Variants in LCK observed in about 807,000 individuals in gnomAD.
The protein encoded by LCK is tyrosine-protein kinase Lck.
A neutral mutation model predicts 64.6 loss-of-function variants in LCK; 14 were observed. That is an observed-to-expected ratio of 0.22 (90% CI 0.14 to 0.34). The LOEUF is 0.34. Among genes scored for constraint, LCK ranks in the 10% least tolerant of loss-of-function variants. The pLI is 1.00. For synonymous variants in LCK, 277 were observed against 263.6 expected (o/e 1.05, Z -0.49); for missense variants, 434 against 668.1 (o/e 0.65, Z 3.86).
intron 1 of LCK, among the ~76,000 whole-genome samples, chr1:32,253,120 C>A (rs1639547235): frequency 1.3e-5 from 2 of 152,156 alleles, no homozygotes; most frequent in Non-Finnish European, 2.9e-5. Context: ...AATCCCAGCA[C>A]TTTGGGAGGC....
intron 11 of LCK, 28 bp downstream of exon 11, chr1:32,280,022 G>T (rs756127294): frequency 1.2e-6 from 2 of 1,613,898 alleles, no homozygotes; most frequent in Non-Finnish European, 1.7e-6. Context: ...GGGTGGTCTG[G>T]GCCCTGCAGG....
At position 32,281,269 on chromosome 1, in the gene LCK, A is replaced by C. The variant is rs1319176322; in HGVS notation, c.1327+1059A>C. ...CAAGAAAAAGAGAGACTCCATCTCTACAAAAAAAAAAAAACAAACAAACAA... is the reference window on the plus strand; with the variant it reads ...CAAGAAAAAGAGAGACTCCATCTCTCCAAAAAAAAAAAAACAAACAAACAA... On this transcript the variant is annotated intron_variant, in intron 12 of 12. Coordinates refer to ENST00000336890, the MANE Select transcript of LCK (RefSeq NM_005356.5). 2.7e-5 allele frequency among the ~76,000 whole-genome samples: 4 copies of C among 149,234 alleles called. No individual in the cohort carries two copies. The South Asian group carries it at 8.4e-4, about 32-fold the overall frequency.
At chr1:32,268,635 T>A (rs1258153476) in intron 1 of LCK, among the ~76,000 whole-genome samples, 1 of 151,456 alleles carries the variant, frequency 6.6e-6, no homozygotes, top group Non-Finnish European at 1.5e-5. Context: ...AGTAAATAAA[T>A]AAATAAGTAA....
intron 12 of LCK, among the ~76,000 whole-genome samples, chr1:32,283,237 C>A (rs1174785313): frequency 1.4e-5 from 2 of 145,714 alleles, no homozygotes; most frequent in East Asian, 2.0e-4. Flanking sequence ...TGCAGTGAGC[C>A]GAGACTGTAC....
At chr1:32,283,556 T>C (rs957191738) in intron 12 of LCK, among the ~76,000 whole-genome samples, 4 of 152,124 alleles carry the variant, frequency 2.6e-5, no homozygotes, top group African/African-American at 7.2e-5. Flanking sequence ...GCTGTGATCA[T>C]GTAGTTCTCC....
chr1:32,285,542 C>T lies in LCK; in HGVS notation c.1356C>T (p.Asn452=), dbSNP rs1481258398. 4 of 1,614,218 alleles carry T rather than the reference C, an allele frequency of 2.5e-6. 1 individual carries two copies. The highest frequency in any genetic ancestry group is 2.5e-6 in the Non-Finnish European group (3 of 1,180,042). The stretch of plus-strand genomic sequence containing the variant: ...TGACCAACCCGGAGGTGATTCAGAA[C>T]CTGGAGCGAGGCTACCGCATGGTGC... ...PGMTNPEVIQ[N]LERGYRMVRP... The change falls in exon 13 of 13, where the codon AAC becomes AAT. Residue 452 remains asparagine, a synonymous_variant. Transcript: ENST00000336890.
chr1:32,275,448 T>C lies in LCK; in HGVS notation c.377+29T>C. 1 of 1,607,838 alleles carries C rather than the reference T, an allele frequency of 6.2e-7. No homozygotes were observed. The highest frequency in any genetic ancestry group is 2.2e-5 in the East Asian group (1 of 44,762). On this transcript the variant is annotated intron_variant, in intron 5 of 12. Coordinates refer to ENST00000336890, the MANE Select transcript of LCK (RefSeq NM_005356.5). The surrounding 1 kb of genome is among the most constrained non-coding windows in gnomAD (Gnocchi z 6.9). ...AGTGGGGACCCGTCGTGGGGGTGGG[T>C]AGGAGCAGATCTAGGGATCCTGGAG...
chr1:32,251,894 AAGAGAGAGAGAGAGAG>A lies in LCK; in HGVS notation c.-6+551_-6+566del, dbSNP rs4012161. ...CCCCAGTGACAAGAATCTCCTGAGA[AAGAGAGAGAGAGAGAG>A]AGAGAGAGAGAGAGAGAGAGAGAGA... is the stretch of plus-strand genomic sequence containing the variant. On this transcript the variant is annotated intron_variant, in intron 1 of 12. Transcript: ENST00000336890. This position sits in a 1 kb window ranked among gnomAD's most constrained non-coding sequence, Gnocchi z 4.0. Among the ~76,000 whole-genome samples the A allele has an allele frequency of 2.0e-3, 268 of 132,342 alleles. 1 individual carries two copies. Among genetic ancestry groups the A allele is most frequent in the African/African-American group, 6.8e-3 (241 of 35,246 alleles). 86.8% of individuals were successfully genotyped at this position (132,342 alleles called of 152,430 possible). A position where few individuals can be genotyped will look rare whatever the true frequency, so the allele number is the denominator to read the frequency against.
At chr1:32,279,218 G>A (rs1194681846) in intron 9 of LCK, among the ~76,000 whole-genome samples, 1 of 152,124 alleles carries the variant, frequency 6.6e-6, no homozygotes, top group Non-Finnish European at 1.5e-5. Context: ...GCTTCCTAGT[G>A]GGGCAGTCTA....
chr1:32,268,536 A>G (rs1011361292), intron 1 of LCK, among the ~76,000 whole-genome samples: 3 of 151,890 alleles, frequency 2.0e-5, no homozygotes, highest in African/African-American at 7.2e-5. Context: ...TAGCTCATTT[A>G]TCCCTTTTGT....
intron 12 of LCK, among the ~76,000 whole-genome samples, chr1:32,283,221 G>A (rs578256188): frequency 8.6e-5 from 13 of 151,030 alleles, no homozygotes; most frequent in African/African-American, 2.9e-4. Flanking sequence ...CCTGGGAGGC[G>A]GAGGTTGCAG....
intron 1 of LCK, among the ~76,000 whole-genome samples, chr1:32,267,358 T>C (rs769800150): frequency 6.6e-6 from 1 of 152,214 alleles, no homozygotes; most frequent in African/African-American, 2.4e-5. Context: ...TAATAGGTCA[T>C]GTTTGTTTAA....
intron 1 of LCK, among the ~76,000 whole-genome samples, chr1:32,256,843 G>A (rs529973003): frequency 4.6e-5 from 7 of 152,264 alleles, no homozygotes; most frequent in East Asian, 3.9e-4. Flanking sequence ...GACCATTTAC[G>A]AATGTTAATT....
chr1:32,261,652 CAAAAA>C (rs1227702959), intron 1 of LCK, among the ~76,000 whole-genome samples: 1 of 64,336 alleles, frequency 1.6e-5, no homozygotes, highest in Non-Finnish European at 3.2e-5. Flanking sequence ...TCCTCTGTCT[CAAAAA>C]AAAAAAAAAA....
chr1:32,275,706 G>T lies in LCK; in HGVS notation c.481+34G>T. ...GCGGCGGTCTCGACCGGGCGCGGGG[G>T]TGCCCCGGGGTGTGCCCGAGGGGGG... On this transcript the variant is annotated intron_variant, in intron 6 of 12. Transcript: ENST00000336890. This position sits in a 1 kb window ranked among gnomAD's most constrained non-coding sequence, Gnocchi z 6.9. 1 of 1,524,508 alleles carries T rather than the reference G, an allele frequency of 6.6e-7. No individual in the cohort carries two copies. The highest frequency in any genetic ancestry group is 2.0e-5 in the Admixed American group (1 of 50,662). The allele number at this position is 1,524,508 out of a possible 1,614,324, so 94.4% of individuals were successfully genotyped here.
At position 32,276,235 on chromosome 1, in the gene LCK, C is replaced by T; in HGVS notation, c.632-102C>T. On this transcript the variant is annotated intron_variant, in intron 7 of 12. Coordinates refer to ENST00000336890, the MANE Select transcript of LCK (RefSeq NM_005356.5). This position sits in a 1 kb window ranked among gnomAD's most constrained non-coding sequence, Gnocchi z 4.6. ...TGGGTGACAGCCCCACACCCCCTTG[C>T]TAGTCCACTTCACCTAGATGGGGGC... The T allele has an allele frequency of 6.8e-7, 1 of 1,479,714 alleles. No individual in the cohort carries two copies. The highest frequency in any genetic ancestry group is 1.3e-5 in the South Asian group (1 of 75,550). The allele number at this position is 1,479,714 out of a possible 1,614,324, so 91.7% of individuals were successfully genotyped here. A position where few individuals can be genotyped will look rare whatever the true frequency, so the allele number is the denominator to read the frequency against.
chr1:32,261,537 T>C (rs1243660932), intron 1 of LCK, among the ~76,000 whole-genome samples: 1 of 149,636 alleles, frequency 6.7e-6, no homozygotes, highest in Admixed American at 6.7e-5. Flanking sequence ...TCCCAGCTAC[T>C]TGGGAGGCTG....
rs1640595230 is a variant in LCK, at chr1:32,285,720, G to T, written c.*4G>T. On this transcript the variant is annotated 3_prime_UTR_variant, in exon 13 of 13. Transcript: ENST00000336890. ...CCAGTACCAGCCTCAGCCTTGAGAG[G>T]CCTTGAGAGGCCCTGGGGTTCTCCC... 1 of 1,581,694 alleles carries T rather than the reference G, an allele frequency of 6.3e-7. No individual in the cohort carries two copies. The highest frequency in any genetic ancestry group is 1.9e-5 in the Admixed American group (1 of 54,014).
intron 1 of LCK, among the ~76,000 whole-genome samples, chr1:32,254,673 C>T (rs1045683124): frequency 5.9e-5 from 9 of 152,034 alleles, no homozygotes; most frequent in African/African-American, 2.2e-4. Flanking sequence ...CCACCACGCC[C>T]GGCTAATTTT....
Sources: gnomAD v4.1 joint callset for allele counts (sites outside exome capture counted in the v4.1 genomes callset) on GRCh38, gnomAD v4.1.1 for gene constraint, Gnocchi (gnomAD v3.1) non-coding constraint, MANE v1.5 for transcripts, NCBI Gene and HGNC (gene_info 2026-07-23, HGNC 2026-07-21) for gene names.